MAGI1: variants seen among roughly 807,000 people sequenced by gnomAD.
MAGI1 encodes the protein membrane-associated guanylate kinase, WW and PDZ domain-containing protein 1.
A neutral mutation model predicts 139.9 loss-of-function variants in MAGI1; 58 were observed. That is an observed-to-expected ratio of 0.41 (90% CI 0.34 to 0.52). The LOEUF (loss-of-function observed/expected upper bound fraction) is 0.52. Among genes scored for constraint, MAGI1 ranks in the 20% least tolerant of loss-of-function variants. The pLI is 0.12. For missense variants in MAGI1, 1,874 were observed against 1,901.6 expected (o/e 0.99, Z 0.27); for synonymous variants, 812 against 737.9 (o/e 1.10, Z -1.63).
chr3:65,403,682 T>C (rs1945092162), intron 12 of MAGI1, among the ~76,000 whole-genome samples: 3 of 152,160 alleles, frequency 2.0e-5, no homozygotes, highest in African/African-American at 7.2e-5. Context: ...AATCCCCCAT[T>C]AGGTAAGTAG....
chr3:65,845,304 C>G (rs930807037), intron 1 of MAGI1, among the ~76,000 whole-genome samples: 9 of 151,880 alleles, frequency 5.9e-5, no homozygotes, highest in Admixed American at 2.0e-4. Context: ...AGAAAGCAAT[C>G]CTTGGGCACA....
At chr3:65,854,323 C>T (rs1482492926) in intron 1 of MAGI1, among the ~76,000 whole-genome samples, 1 of 152,064 alleles carries the variant, frequency 6.6e-6, no homozygotes, top group Non-Finnish European at 1.5e-5. Flanking sequence ...CAGAAAGAAA[C>T]AAGGAGACAT....
intron 1 of MAGI1, among the ~76,000 whole-genome samples, chr3:65,843,687 A>T (rs1253357991): frequency 6.6e-6 from 1 of 152,164 alleles, no homozygotes; most frequent in Non-Finnish European, 1.5e-5. Context: ...GTATAGGGAA[A>T]TAAGTCATCA....
At chr3:65,661,395 G>C (rs564679853) in intron 1 of MAGI1, among the ~76,000 whole-genome samples, 11 of 152,246 alleles carry the variant, frequency 7.2e-5, no homozygotes, top group African/African-American at 2.4e-4. Flanking sequence ...AAATGCAGAG[G>C]AAAGAAGCCA....
chr3:65,979,945 T>C (rs894437657), intron 1 of MAGI1, among the ~76,000 whole-genome samples: 23 of 152,268 alleles, frequency 1.5e-4, no homozygotes, highest in African/African-American at 4.3e-4. Flanking sequence ...AAAGAGGAAC[T>C]GGCCTCTAGA....
chr3:65,839,944 A>G (rs1230943224), intron 1 of MAGI1, among the ~76,000 whole-genome samples: 1 of 152,204 alleles, frequency 6.6e-6, no homozygotes, highest in African/African-American at 2.4e-5. Context: ...GTCTTTAATT[A>G]GCACTTTATA....
intron 2 of MAGI1, among the ~76,000 whole-genome samples, chr3:65,546,412 T>C (rs978253698): frequency 7.9e-5 from 12 of 152,246 alleles, no homozygotes; most frequent in African/African-American, 2.7e-4. Flanking sequence ...TTCAGTTTGC[T>C]TTCTACTTTG....
intron 1 of MAGI1, among the ~76,000 whole-genome samples, chr3:66,011,225 A>ATAAATGCGC (rs1246209629): frequency 6.6e-6 from 1 of 152,250 alleles, no homozygotes; most frequent in Non-Finnish European, 1.5e-5. Context: ...ATGGCAGCAC[A>ATAAATGCGC]CATAAATGCG....
chr3:65,562,679 A>G (rs1167761544), intron 2 of MAGI1, among the ~76,000 whole-genome samples: 1 of 152,198 alleles, frequency 6.6e-6, no homozygotes, highest in Non-Finnish European at 1.5e-5. Flanking sequence ...AAAGAACACA[A>G]TATGGTAAAC....
chr3:65,454,827 C>A (rs1405057024), intron 5 of MAGI1, among the ~76,000 whole-genome samples: 1 of 151,832 alleles, frequency 6.6e-6, no homozygotes, highest in Non-Finnish European at 1.5e-5. Flanking sequence ...ATATAGCAAC[C>A]ACCACCATCA....
At chr3:65,719,082 A>G (rs2032660780) in intron 1 of MAGI1, among the ~76,000 whole-genome samples, 1 of 152,008 alleles carries the variant, frequency 6.6e-6, no homozygotes, top group African/African-American at 2.4e-5. Flanking sequence ...AAAACAATAA[A>G]AAAACATTTG....
At chr3:65,952,980 T>C (rs1378926863) in intron 1 of MAGI1, among the ~76,000 whole-genome samples, 2 of 152,144 alleles carry the variant, frequency 1.3e-5, no homozygotes, top group African/African-American at 4.8e-5. Flanking sequence ...CAATCCCTAA[T>C]ACAACCTATG....
chr3:65,830,991 G>A (rs1326613421), intron 1 of MAGI1, among the ~76,000 whole-genome samples: 2 of 150,074 alleles, frequency 1.3e-5, no homozygotes, highest in Admixed American at 6.8e-5. Context: ...TCAGCTATAT[G>A]TACTTTTAGC....
chr3:65,607,856 T>C (rs1221973376), intron 2 of MAGI1, among the ~76,000 whole-genome samples: 1 of 152,074 alleles, frequency 6.6e-6, no homozygotes, highest in Non-Finnish European at 1.5e-5. Context: ...CCTTTTGTAC[T>C]ACAACTATAA....
Position 65,920,897 on chromosome 3 carries a change from C to T in MAGI1, c.313+117099G>A, listed in dbSNP as rs993026804. ...TACAAAAAGTAGCTGGGCCAGGTGG[C>T]GGGCACCTGTAATCCCAGCTACTCA... On this transcript the variant is annotated intron_variant, in intron 1 of 22. Coordinates refer to ENST00000402939, the MANE Select transcript of MAGI1 (RefSeq NM_001033057.2). 7.2e-5 allele frequency among the ~76,000 whole-genome samples: 11 copies of T among 151,920 alleles called. No individual in the cohort carries two copies. The East Asian group carries it at 1.6e-3, about 21-fold the overall frequency.
chr3:65,613,365 GTCTGA>G (rs1426165290), intron 2 of MAGI1, among the ~76,000 whole-genome samples: 1 of 152,124 alleles, frequency 6.6e-6, no homozygotes, highest in Non-Finnish European at 1.5e-5. Flanking sequence ...AAGTGGTGAG[GTCTGA>G]TCTAACATGT....
chr3:65,411,638 T>G (rs28428838), intron 12 of MAGI1, among the ~76,000 whole-genome samples: 5,586 of 152,282 alleles, frequency 0.037, 244 homozygotes, highest in African/African-American at 0.098. Context: ...ATCACTGTAA[T>G]TGGTGCTGAG....
At chr3:65,703,915 T>C (rs1346196417) in intron 1 of MAGI1, among the ~76,000 whole-genome samples, 1 of 152,198 alleles carries the variant, frequency 6.6e-6, no homozygotes, top group Admixed American at 6.5e-5. Context: ...AGGGATTTCT[T>C]AGACATGCAT....
At chr3:65,870,275 T>C (rs934051323) in intron 1 of MAGI1, among the ~76,000 whole-genome samples, 7 of 151,934 alleles carry the variant, frequency 4.6e-5, no homozygotes, top group Non-Finnish European at 8.8e-5. Flanking sequence ...AATTCAATAC[T>C]GGAAGCCTGG....
Sources: gnomAD v4.1 joint callset for allele counts (sites outside exome capture counted in the v4.1 genomes callset) on GRCh38, gnomAD v4.1.1 for gene constraint, MANE v1.5 for transcripts, NCBI Gene and HGNC (gene_info 2026-07-23, HGNC 2026-07-21) for gene names.